Variants in PTK2B observed in about 807,000 individuals in gnomAD.
PTK2B encodes the protein protein-tyrosine kinase 2-beta.
A neutral mutation model predicts 142.9 loss-of-function variants in PTK2B; 71 were observed. The ratio of observed to expected loss-of-function variants is 0.50; its 90% CI spans 0.41 to 0.61. The LOEUF is 0.61. PTK2B is among the 20% of genes least tolerant of loss of function. PTK2B has a pLI of 0.00. For synonymous variants in PTK2B, 519 were observed against 503.4 expected, an observed-to-expected ratio of 1.03 and a Z score of -0.42; for missense variants, 1,105 against 1,320.4, an observed-to-expected ratio of 0.84 and a Z score of 2.53.
At chr8:27,345,765 G>A (rs750293083) in intron 1 of PTK2B, among the ~76,000 whole-genome samples, 24 of 152,138 alleles carry the variant, frequency 1.6e-4, no homozygotes, top group Non-Finnish European at 2.9e-4. Context: ...GAAAACATAC[G>A]AAACCTATAA....
intron 27 of PTK2B, chr8:27,452,826 C>T (rs1811900584): frequency 1.9e-5 from 10 of 523,632 alleles, no homozygotes. Flanking sequence ...GCCTGGTGTC[C>T]ATCAGGCAGG....
intron 1 of PTK2B, among the ~76,000 whole-genome samples, chr8:27,365,002 G>A (rs1303149018): frequency 6.6e-6 from 1 of 152,192 alleles, no homozygotes; most frequent in East Asian, 1.9e-4. Flanking sequence ...TCTTCAGCAA[G>A]CCTCAGGCTT....
chr8:27,333,561 T>C (rs1185738318), intron 1 of PTK2B, among the ~76,000 whole-genome samples: 4 of 152,190 alleles, frequency 2.6e-5, no homozygotes, highest in Admixed American at 2.0e-4. Context: ...GCTTCTACTT[T>C]CTCTGAGCTG....
At chr8:27,430,324 G>A (rs1183128385) in intron 6 of PTK2B, 40 bp from the exon 7 acceptor site, 1 of 1,613,784 alleles carries the variant, frequency 6.2e-7, no homozygotes, top group Non-Finnish European at 8.5e-7. Context: ...TGGTGGGGGT[G>A]AGGGGGAGTC....
chr8:27,440,891 G>C (rs956271267), intron 21 of PTK2B, among the ~76,000 whole-genome samples: 2 of 152,130 alleles, frequency 1.3e-5, no homozygotes, highest in African/African-American at 4.8e-5. Flanking sequence ...TCTGAATGGG[G>C]GATAAGGGAC....
intron 1 of PTK2B, among the ~76,000 whole-genome samples, chr8:27,343,989 C>T (rs746823865): frequency 2.6e-5 from 4 of 151,504 alleles, no homozygotes; most frequent in Admixed American, 6.6e-5. Context: ...GATGACAGAG[C>T]GAGAATCCGT....
At chr8:27,369,225 T>TCC (rs1806196947) in intron 1 of PTK2B, among the ~76,000 whole-genome samples, 1 of 152,166 alleles carries the variant, frequency 6.6e-6, no homozygotes, top group Non-Finnish European at 1.5e-5. Context: ...CCCCCTGCCC[T>TCC]ACAGCTTACC....
chr8:27,419,371 A>G (rs1424694868), intron 2 of PTK2B, among the ~76,000 whole-genome samples: 4 of 152,196 alleles, frequency 2.6e-5, no homozygotes, highest in African/African-American at 9.7e-5. Flanking sequence ...TAGTGTCCCA[A>G]GATTCCAAAT....
At chr8:27,401,878 AGTGATG>A (rs965682184) in intron 2 of PTK2B, among the ~76,000 whole-genome samples, 19 of 152,118 alleles carry the variant, frequency 1.2e-4, no homozygotes, top group Non-Finnish European at 1.9e-4. Context: ...CCATGGGGAT[AGTGATG>A]GTGATGGTGA....
intron 2 of PTK2B, among the ~76,000 whole-genome samples, chr8:27,405,070 T>TCTCTCTCTCTCTCTC (rs1554498574): frequency 7.9e-5 from 5 of 62,974 alleles, no homozygotes; most frequent in Non-Finnish European, 1.0e-4. Context: ...CTCTCTCTCT[T>TCTCTCTCTCTCTCTC]AGCCATGTGA....
rs371598283 is a variant in PTK2B, at chr8:27,458,392, G to A, written c.2913G>A (p.Glu971=). ...ACGCCGTGACCTCCCTAAGTGAGGA[G>A]TGCAAGAGGCAGATGCTGACGGCTT... ...QQNAVTSLSE[E]CKRQMLTASH... Residue 971 remains glutamate, a synonymous_variant, in exon 31 of 31, where the codon GAG becomes GAA. Coordinates refer to ENST00000346049, the MANE Select transcript of PTK2B (RefSeq NM_173176.3). 4 of 1,613,552 alleles carry A rather than the reference G, an allele frequency of 2.5e-6. No individual in the cohort carries two copies. Among genetic ancestry groups the A allele is most frequent in the Non-Finnish European group, 1.7e-6 (2 of 1,179,740 alleles).
chr8:27,432,428 T>C lies in PTK2B; in HGVS notation c.987+67T>C, dbSNP rs561872084. 23 of 1,475,438 alleles carry C rather than the reference T, an allele frequency of 1.6e-5. 1 individual carries two copies. The highest frequency in any genetic ancestry group is 9.3e-6 in the Non-Finnish European group (10 of 1,073,500). 91.4% of individuals were successfully genotyped at this position (1,475,438 alleles called of 1,614,324 possible). On this transcript the variant is annotated intron_variant, in intron 10 of 30. Transcript: ENST00000346049. ...GGGTATAATGGCAGATTGGGAGCTC[T>C]TGCTCAGACCAAAAGTCTGTGACAC...
At chr8:27,326,727 G>C (rs113400150) in intron 1 of PTK2B, 2 of 153,014 alleles carry the variant, frequency 1.3e-5, no homozygotes, top group African/African-American at 2.4e-5. Flanking sequence ...GGGGGAGGGG[G>C]AGGAGGACAC....
chr8:27,310,735 C>T, upstream of PTK2B: 1 of 1,491,476 alleles, frequency 6.7e-7, no homozygotes, highest in Non-Finnish European at 9.0e-7. Context: ...GGGCGGGAGC[C>T]GCAGAGCCAA....
At chr8:27,373,162 C>G (rs1169034965) in intron 1 of PTK2B, among the ~76,000 whole-genome samples, 2 of 152,074 alleles carry the variant, frequency 1.3e-5, no homozygotes, top group Non-Finnish European at 2.9e-5. Flanking sequence ...ACACCCAGGC[C>G]TAAACATCAG....
intron 1 of PTK2B, chr8:27,380,543 T>G (rs1806949547): frequency 6.6e-6 from 1 of 152,210 alleles, no homozygotes; most frequent in Non-Finnish European, 1.5e-5. Flanking sequence ...CTATTTTTTT[T>G]TTCTCTTTTT....
chr8:27,448,596 A>G (rs1811619960), intron 24 of PTK2B, among the ~76,000 whole-genome samples: 1 of 115,908 alleles, frequency 8.6e-6, no homozygotes, highest in Admixed American at 8.2e-5. Flanking sequence ...CAACACTTAT[A>G]AACTTACAAA....
chr8:27,438,906 G>T, intron 18 of PTK2B, 125 bp from the exon 19 acceptor site: 2 of 863,140 alleles, frequency 2.3e-6, no homozygotes, highest in Non-Finnish European at 3.7e-6. Flanking sequence ...GCCCGATTCT[G>T]CTCTGGAGTC....
At chr8:27,441,203 G>A in intron 21 of PTK2B, among the ~76,000 whole-genome samples, 1 of 152,200 alleles carries the variant, frequency 6.6e-6, no homozygotes, top group East Asian at 1.9e-4. Flanking sequence ...ATGAATGGGT[G>A]TAGCTGGGCT....
Sources: gnomAD v4.1 joint callset for allele counts (sites outside exome capture counted in the v4.1 genomes callset) on GRCh38, gnomAD v4.1.1 for gene constraint, MANE v1.5 for transcripts, NCBI Gene and HGNC (gene_info 2026-07-23, HGNC 2026-07-21) for gene names.